PIAS1: variants seen among roughly 807,000 people sequenced by gnomAD.
PIAS1 encodes protein inhibitor of activated STAT 1, also known as E3 SUMO-protein ligase PIAS1.
A neutral mutation model predicts 71.3 loss-of-function variants in PIAS1; 6 were observed. The ratio of observed to expected loss-of-function variants is 0.08; its 90% CI spans 0.05 to 0.17. The LOEUF is 0.17. PIAS1 is among the 10% of genes least tolerant of loss of function. The pLI is 1.00. For missense variants in PIAS1, 555 were observed against 793.6 expected (o/e 0.70, Z 3.61); for synonymous variants, 303 against 292.9 (o/e 1.03, Z -0.35).
intron 12 of PIAS1, among the ~76,000 whole-genome samples, chr15:68,182,424 T>TTGTGTGTGTGTG (rs1567080853): frequency 9.4e-5 from 6 of 63,844 alleles, no homozygotes; most frequent in East Asian, 5.2e-4. Context: ...AAGTTACAGC[T>TTGTGTGTGTGTG]AGTGTGTGTG....
chr15:68,187,740 C>G lies in PIAS1; in HGVS notation c.1861C>G (p.Leu621Val). The change falls in exon 14 of 14, where the codon CTA becomes GTA. Residue 621 changes from leucine to valine, a missense_variant. Leu to Val is a conservative substitution (Grantham distance 32, BLOSUM62 1). Transcript: ENST00000249636. The surrounding 1 kb of genome is among the most constrained non-coding windows in gnomAD (Gnocchi z 5.3). ...CAGCAGCCTGGTTTCTTCCAACAGC[C>G]TAAGGGAAAGCCATAGCCACACCGT... Reference protein sequence around the residue: ...SNSSLVSSNSLRESHSHTVTN... With the variant: ...SNSSLVSSNSVRESHSHTVTN... The G allele has an allele frequency of 6.2e-7, 1 of 1,613,988 alleles. No homozygotes were observed. Among genetic ancestry groups the G allele is most frequent in the South Asian group, 1.1e-5 (1 of 91,082 alleles).
chr15:68,140,646 A>G (rs1048401936), intron 2 of PIAS1, among the ~76,000 whole-genome samples: 34 of 152,214 alleles, frequency 2.2e-4, no homozygotes, highest in African/African-American at 5.8e-4. Context: ...GCTCTTTTCT[A>G]TTTCTTTCTC....
intron 7 of PIAS1, among the ~76,000 whole-genome samples, chr15:68,157,795 T>C (rs914039112): frequency 6.6e-6 from 1 of 152,160 alleles, no homozygotes; most frequent in Non-Finnish European, 1.5e-5. Context: ...CTCAGACCTC[T>C]CCCCTGCGTT....
chr15:68,138,024 A>G (rs560052630), intron 2 of PIAS1, among the ~76,000 whole-genome samples: 6 of 152,164 alleles, frequency 3.9e-5, no homozygotes, highest in African/African-American at 7.2e-5. Context: ...GGCACCCACT[A>G]TTGTAGTGCC....
rs1283228253 is a variant in PIAS1, at chr15:68,187,560, C to T, written c.1681C>T (p.Leu561Phe). 6.2e-7 allele frequency: 1 copy of T among 1,613,682 alleles called. No homozygotes were observed. ...GDNQHYNTSL[L>F]AAAAAAVSDD... ...TCCCTAGCATTACAACACCTCCTTG[C>T]TTGCCGCTGCAGCAGCAGCAGTTTC... The change falls in exon 14 of 14, where the codon CTT (leucine) becomes TTT (phenylalanine). Residue 561 changes from leucine (L) to phenylalanine (F), a missense_variant. Coordinates refer to ENST00000249636, the MANE Select transcript of PIAS1 (RefSeq NM_016166.3). The surrounding 1 kb of genome is among the most constrained non-coding windows in gnomAD (Gnocchi z 5.3).
intron 6 of PIAS1, among the ~76,000 whole-genome samples, chr15:68,148,344 G>C (rs1227506717): frequency 6.6e-6 from 1 of 152,214 alleles, no homozygotes; most frequent in Admixed American, 6.5e-5. Context: ...GAATGGGGAA[G>C]AGTGGTATAT....
Position 68,154,231 on chromosome 15 carries a change from G to A in PIAS1, c.934+536G>A, listed in dbSNP as rs192428167. 1.2e-3 allele frequency among the ~76,000 whole-genome samples: 181 copies of A among 152,258 alleles called. 1 individual carries two copies. The highest frequency in any genetic ancestry group is 4.2e-3 in the African/African-American group (174 of 41,548). ...GCTTCTGCGAAGTCTGGGTTCATAC[G>A]TGTGAATTACTGGATGGTTTGTTTT... On this transcript the variant is annotated intron_variant, in intron 7 of 13. Coordinates refer to ENST00000249636, the MANE Select transcript of PIAS1 (RefSeq NM_016166.3).
At chr15:68,059,000 C>CTTTTTTTTTTTTTTTTTTTTTTTTT (rs35348345) in intron 1 of PIAS1, among the ~76,000 whole-genome samples, 1 of 84,910 alleles carries the variant, frequency 1.2e-5, no homozygotes, top group Non-Finnish European at 2.3e-5. Context: ...GATTATTCTA[C>CTTTTTTTTTTTTTTTTTTTTTTTTT]TTTTTTTTTT....
chr15:68,153,767 A>G lies in PIAS1; in HGVS notation c.934+72A>G, dbSNP rs961544742. On this transcript the variant is annotated intron_variant, in intron 7 of 13. Transcript: ENST00000249636. ...GTTAGAGTAGTATTTTCTCAACTCA[A>G]GAAATTTTAGAATTTGTTTATTCAC... 1.0e-5 allele frequency: 8 copies of G among 768,870 alleles called. No individual in the cohort carries two copies. The African/African-American group carries it at 1.4e-4, about 13-fold the overall frequency. The allele number at this position is 768,870 out of a possible 1,614,324, so 47.6% of individuals were successfully genotyped here.
At chr15:68,112,987 G>C (rs1177560725) in intron 2 of PIAS1, among the ~76,000 whole-genome samples, 2 of 152,172 alleles carry the variant, frequency 1.3e-5, no homozygotes, top group Non-Finnish European at 2.9e-5. Flanking sequence ...ATTGGTTAAA[G>C]TATGCTACAT....
chr15:68,156,607 G>T (rs769723288), intron 7 of PIAS1, among the ~76,000 whole-genome samples: 2 of 151,844 alleles, frequency 1.3e-5, no homozygotes, highest in Non-Finnish European at 2.9e-5. Flanking sequence ...TACTCGGAAG[G>T]CTGAGGCACG....
At chr15:68,157,577 A>G (rs1213073064) in intron 7 of PIAS1, among the ~76,000 whole-genome samples, 1 of 152,160 alleles carries the variant, frequency 6.6e-6, no homozygotes, top group Non-Finnish European at 1.5e-5. Flanking sequence ...CATCCTGAAT[A>G]CTTCTGCTGC....
chr15:68,135,591 C>CCCGGACGGGGTGGCTGG (rs1410541211), intron 2 of PIAS1, among the ~76,000 whole-genome samples: 1 of 57,984 alleles, frequency 1.7e-5, no homozygotes, highest in African/African-American at 4.0e-5. Flanking sequence ...CCCCTCACCT[C>CCCGGACGGGGTGGCTGG]CCGGACGGGG....
At chr15:68,111,769 A>T (rs951354368) in intron 2 of PIAS1, among the ~76,000 whole-genome samples, 1 of 152,200 alleles carries the variant, frequency 6.6e-6, no homozygotes, top group African/African-American at 2.4e-5. Flanking sequence ...AAGGTTTATT[A>T]TACTAAACGG....
intron 2 of PIAS1, among the ~76,000 whole-genome samples, chr15:68,114,950 ATACT>A (rs1283936394): frequency 6.6e-6 from 1 of 152,034 alleles, no homozygotes. Flanking sequence ...TTGATAATTA[ATACT>A]TACGGGGAGA....
At position 68,065,915 on chromosome 15, in the gene PIAS1, CTTTTTTTTTTTTT is replaced by C. The variant is rs869104577; in HGVS notation, c.24+11581_24+11593del. ...GCCACCATGCTCAGCTGACTAAAAGCTTTTTTTTTTTTTTTTTTTTTTTTTTTTGGAGATAGGG... is the reference window on the plus strand; with the variant it reads ...GCCACCATGCTCAGCTGACTAAAAGCTTTTTTTTTTTTTTTGGAGATAGGG... On this transcript the variant is annotated intron_variant, in intron 1 of 13. Coordinates refer to ENST00000249636, the MANE Select transcript of PIAS1 (RefSeq NM_016166.3). Among the ~76,000 whole-genome samples, 11 of 40,174 alleles carry C rather than the reference CTTTTTTTTTTTTT, an allele frequency of 2.7e-4. No homozygotes were observed. In the South Asian group the frequency reaches 4.7e-3, roughly 17 times the overall value. 26.4% of individuals were successfully genotyped at this position (40,174 alleles called of 152,430 possible).
intron 2 of PIAS1, among the ~76,000 whole-genome samples, chr15:68,135,182 C>T (rs1229463571): frequency 4.4e-5 from 2 of 45,970 alleles, no homozygotes; most frequent in Non-Finnish European, 1.8e-4. Flanking sequence ...GGTGGCTGGC[C>T]GGGCGGGGGG....
chr15:68,165,058 A>G (rs150763292), intron 8 of PIAS1, among the ~76,000 whole-genome samples: 19 of 152,346 alleles, frequency 1.2e-4, no homozygotes, highest in Admixed American at 2.0e-4. Context: ...CAAGTGTAAA[A>G]TCTCAAAATA....
intron 1 of PIAS1, among the ~76,000 whole-genome samples, chr15:68,063,239 A>T (rs2091980375): frequency 6.6e-6 from 1 of 152,230 alleles, no homozygotes; most frequent in Non-Finnish European, 1.5e-5. Flanking sequence ...CTGTTTTTAA[A>T]AAAGCTCATG....
Sources: allele counts gnomAD v4.1 joint callset (sites outside exome capture counted in the v4.1 genomes callset), GRCh38; gene constraint gnomAD v4.1.1; non-coding constraint Gnocchi (gnomAD v3.1); transcripts MANE v1.5; gene names NCBI Gene and HGNC (gene_info 2026-07-23, HGNC 2026-07-21).